Variants in AAR2 observed in about 807,000 individuals in gnomAD.
AAR2 encodes protein AAR2 homolog.
A neutral mutation model predicts 26.9 loss-of-function variants in AAR2; 31 were observed. The observed-to-expected ratio is 1.15, with a 90% confidence interval of 0.86 to 1.55. AAR2 has a LOEUF of 1.55. AAR2 is among the 40% of genes most tolerant of loss of function. The pLI is 0.00. For missense variants in AAR2, 430 were observed against 491.3 expected (o/e 0.88, Z 1.18); for synonymous variants, 188 against 196.1 (o/e 0.96, Z 0.34).
chr20:36,256,705 C>G lies in AAR2; in HGVS notation c.*960C>G, dbSNP rs953319800. ...AGCTCCTGGTTCCTCGGGAGTCCTT[C>G]GTGCTGTGTGGCAGGGTTCCTCTCT... On this transcript the variant is annotated 3_prime_UTR_variant, in exon 4 of 4. Coordinates refer to ENST00000320849, the MANE Select transcript of AAR2 (RefSeq NM_001271874.2). 2.6e-5 allele frequency: 4 copies of G among 152,660 alleles called. No homozygotes were observed. Among genetic ancestry groups the G allele is most frequent in the Middle Eastern group, 3.4e-3 (1 of 294 alleles). The allele number at this position is 152,660 out of a possible 1,614,324, so 9.5% of individuals were successfully genotyped here. A position where few individuals can be genotyped will look rare whatever the true frequency, so the allele number is the denominator to read the frequency against.
chr20:36,243,330 T>C lies in AAR2; in HGVS notation c.758-1367T>C, dbSNP rs189772527. 4.1e-4 allele frequency among the ~76,000 whole-genome samples: 63 copies of C among 152,226 alleles called. No homozygotes were observed. In the East Asian group the frequency reaches 0.012, roughly 29 times the overall value. On this transcript the variant is annotated intron_variant, in intron 2 of 3. Coordinates refer to ENST00000320849, the MANE Select transcript of AAR2 (RefSeq NM_001271874.2). ...ATTAACCTATATTATACAAAGAAAA[T>C]TTGACTATATTTGAAAATATTGGTC...
Position 36,256,622 on chromosome 20 carries a change from C to T in AAR2, c.*877C>T, listed in dbSNP as rs931074478. 3.3e-5 allele frequency: 5 copies of T among 152,370 alleles called. No individual in the cohort carries two copies. The highest frequency in any genetic ancestry group is 2.0e-4 in the Admixed American group (3 of 15,306). 9.4% of individuals were successfully genotyped at this position (152,370 alleles called of 1,614,324 possible). On this transcript the variant is annotated 3_prime_UTR_variant, in exon 4 of 4. Coordinates refer to ENST00000320849, the MANE Select transcript of AAR2 (RefSeq NM_001271874.2). Reference sequence around the variant, plus strand: ...TGTGCCTTCCAAGTGCTGAAGAAGACCTGGTCAGCCTAAATCTTCCCAGTC... The same window carrying T: ...TGTGCCTTCCAAGTGCTGAAGAAGATCTGGTCAGCCTAAATCTTCCCAGTC...
chr20:36,246,880 A>G (rs1389473810), intron 3 of AAR2, among the ~76,000 whole-genome samples: 2 of 152,236 alleles, frequency 1.3e-5, no homozygotes, highest in African/African-American at 4.8e-5. Context: ...AAAACAAAAC[A>G]AAAAACACAT....
chr20:36,255,873 C>T lies in AAR2; in HGVS notation c.*128C>T. The T allele has an allele frequency of 8.6e-7, 1 of 1,158,838 alleles. No homozygotes were observed. Among genetic ancestry groups the T allele is most frequent in the Non-Finnish European group, 1.2e-6 (1 of 837,212 alleles). 71.8% of individuals were successfully genotyped at this position (1,158,838 alleles called of 1,614,324 possible). On this transcript the variant is annotated 3_prime_UTR_variant, in exon 4 of 4. Coordinates refer to ENST00000320849, the MANE Select transcript of AAR2 (RefSeq NM_001271874.2). ...CTCTCCAGGTCCTGCAAAGATGGAG[C>T]CAGAATTCCCTTTTTCACTGATAAA... is the stretch of plus-strand genomic sequence containing the variant.
chr20:36,237,899 C>T (rs2064632209), intron 1 of AAR2, among the ~76,000 whole-genome samples: 1 of 151,810 alleles, frequency 6.6e-6, no homozygotes, highest in Non-Finnish European at 1.5e-5. Context: ...TCTTCTGCCT[C>T]AGCTTCTCAA....
chr20:36,244,236 C>G (rs769676462), intron 2 of AAR2, among the ~76,000 whole-genome samples: 4 of 152,172 alleles, frequency 2.6e-5, no homozygotes, highest in Non-Finnish European at 4.4e-5. Flanking sequence ...ATTAGAATCA[C>G]CTGGGGAGCT....
intron 3 of AAR2, among the ~76,000 whole-genome samples, chr20:36,251,646 A>C (rs985611751): frequency 5.9e-5 from 9 of 152,240 alleles, no homozygotes; most frequent in South Asian, 4.1e-4. Context: ...GTGTTGCCGC[A>C]TGCCTAGTGT....
chr20:36,244,852 C>T lies in AAR2; in HGVS notation c.913C>T (p.Gln305Ter). Reference protein sequence around the residue: ...YINLISILYHQLGEIPADFFV... With the variant: ...YINLISILYH ...CAACCTCATCTCCATCCTGTACCAC[C>T]AGCTTGGTGAGATCCCCGCTGACTT... The change falls in exon 3 of 4, where the codon CAG becomes TAG. Residue 305 changes from glutamine (Q) to a stop codon, truncating the protein, a stop_gained. Transcript: ENST00000320849. LOFTEE classifies it high-confidence loss of function. 1 of 1,614,198 alleles carries T rather than the reference C, an allele frequency of 6.2e-7. No individual in the cohort carries two copies. Among genetic ancestry groups the T allele is most frequent in the Non-Finnish European group, 8.5e-7 (1 of 1,180,036 alleles).
At chr20:36,247,179 A>C (rs1398167293) in intron 3 of AAR2, among the ~76,000 whole-genome samples, 2 of 152,244 alleles carry the variant, frequency 1.3e-5, no homozygotes, top group East Asian at 3.8e-4. Context: ...ACAGAAAGTT[A>C]ACTAACCAAA....
intron 1 of AAR2, 88 bp from the exon 2 acceptor site, chr20:36,239,733 A>G: frequency 9.7e-7 from 1 of 1,028,590 alleles, no homozygotes; most frequent in Non-Finnish European, 1.4e-6. Flanking sequence ...TCAGGGGTCT[A>G]ACTCAATATC....
intron 3 of AAR2, among the ~76,000 whole-genome samples, chr20:36,247,144 A>C (rs2064741728): frequency 6.6e-6 from 1 of 152,226 alleles, no homozygotes; most frequent in African/African-American, 2.4e-5. Context: ...TCCAGATAGC[A>C]GACTCTTGTA....
rs150337322 is a variant in AAR2 at position 36,240,285 on chromosome 20, C to T, written c.417C>T (p.Phe139=). 87 of 1,614,128 alleles carry T rather than the reference C, an allele frequency of 5.4e-5. No individual in the cohort carries two copies. Among genetic ancestry groups the T allele is most frequent in the Non-Finnish European group, 6.9e-5 (81 of 1,180,058 alleles). Residue 139 remains phenylalanine (F), a synonymous_variant, in exon 2 of 4, where the codon TTC becomes TTT. Coordinates refer to ENST00000320849, the MANE Select transcript of AAR2 (RefSeq NM_001271874.2). ...TLKKWISLTN[F]ISEATVEKLQ... ...AGAAGTGGATCTCACTCACCAACTT[C>T]ATCAGCGAAGCCACAGTGGAGAAGC...
At chr20:36,247,930 T>C (rs973913438) in intron 3 of AAR2, among the ~76,000 whole-genome samples, 1 of 152,200 alleles carries the variant, frequency 6.6e-6, no homozygotes, top group African/African-American at 2.4e-5. Flanking sequence ...ATATATGCCC[T>C]CTTAACAGAT....
intron 3 of AAR2, among the ~76,000 whole-genome samples, chr20:36,253,224 G>C (rs1732305593): frequency 6.6e-6 from 1 of 152,222 alleles, no homozygotes; most frequent in Non-Finnish European, 1.5e-5. Flanking sequence ...ATCAGCTGCA[G>C]AGGACGCCTG....
At chr20:36,239,720 A>G (rs1426580092) in intron 1 of AAR2, 101 bp from the exon 2 acceptor site, 2 of 874,578 alleles carry the variant, frequency 2.3e-6, no homozygotes, top group East Asian at 5.3e-5. Flanking sequence ...GGAAATAATT[A>G]TGTCAGGGGT....
intron 3 of AAR2, among the ~76,000 whole-genome samples, chr20:36,254,468 G>A (rs1457394845): frequency 2.0e-5 from 3 of 148,276 alleles, no homozygotes; most frequent in Non-Finnish European, 3.0e-5. Flanking sequence ...TAGGGTAGTC[G>A]AATTCACAGA....
Position 36,244,598 on chromosome 20 carries a change from C to T in AAR2, c.758-99C>T, listed in dbSNP as rs980014886. 5.1e-6 allele frequency: 6 copies of T among 1,168,926 alleles called. No individual in the cohort carries two copies. In the African/African-American group the frequency reaches 9.1e-5, roughly 18 times the overall value. 72.4% of individuals were successfully genotyped at this position (1,168,926 alleles called of 1,614,324 possible). ...GACAAGGATAAAAGCTCATCTGTTG[C>T]TGAGGTCCAGTGGAATTCATGGCCT... On this transcript the variant is annotated intron_variant, in intron 2 of 3. Coordinates refer to ENST00000320849, the MANE Select transcript of AAR2 (RefSeq NM_001271874.2).
intron 3 of AAR2, among the ~76,000 whole-genome samples, chr20:36,248,580 C>T (rs1205412909): frequency 6.6e-6 from 1 of 152,134 alleles, no homozygotes; most frequent in Non-Finnish European, 1.5e-5. Flanking sequence ...TCAGGTGATC[C>T]ACCCAACTCA....
chr20:36,249,093 A>G (rs2064761627), intron 3 of AAR2, among the ~76,000 whole-genome samples: 2 of 152,126 alleles, frequency 1.3e-5, no homozygotes, highest in Admixed American at 6.6e-5. Flanking sequence ...ACCCATGGAG[A>G]GGGACTGGTG....
Sources: allele counts gnomAD v4.1 joint callset (sites outside exome capture counted in the v4.1 genomes callset), GRCh38; gene constraint gnomAD v4.1.1; transcripts MANE v1.5; gene names NCBI Gene and HGNC (gene_info 2026-07-23, HGNC 2026-07-21).